CYP24A1: variants seen among roughly 807,000 people sequenced by gnomAD.
CYP24A1 encodes the protein cytochrome P450 family 24 subfamily A member 1.
CYP24A1 carries 68 observed loss-of-function variants against 62.4 expected under a neutral mutation model. That is an observed-to-expected ratio of 1.09 (90% CI 0.90 to 1.33). The LOEUF (loss-of-function observed/expected upper bound fraction) is 1.33, where lower values mean the gene tolerates loss of function less well. Ranked by LOEUF, CYP24A1 falls within the 40% of genes most tolerant of loss-of-function variation. The pLI is 0.00. For synonymous variants in CYP24A1, 267 were observed against 253.0 expected, an observed-to-expected ratio of 1.06 and a Z score of -0.52; for missense variants, 787 against 653.0, an observed-to-expected ratio of 1.21 and a Z score of -2.24.
Position 54,164,463 on chromosome 20 carries a change from A to T in CYP24A1, c.833T>A (p.Ile278Asn). ...WQDHTLAWDTIFKSVKACIDN... is the reference protein window; with the variant it reads ...WQDHTLAWDTNFKSVKACIDN... Reference sequence around the variant, plus strand: ...GGGCGGCCCTTTACCTGATTTGAAAATGGTGTCCCAGGCCAGAGTGTGGTC... The same window carrying T: ...GGGCGGCCCTTTACCTGATTTGAAATTGGTGTCCCAGGCCAGAGTGTGGTC... The change falls in exon 6 of 12, where the codon ATT becomes AAT. Residue 278 changes from isoleucine (I) to asparagine (N), a missense_variant. Transcript: ENST00000216862. The T allele has an allele frequency of 6.2e-7, 1 of 1,614,092 alleles. No homozygotes were observed. Among genetic ancestry groups the T allele is most frequent in the South Asian group, 1.1e-5 (1 of 91,062 alleles).
At chr20:54,172,011 G>A (rs34043203) in intron 2 of CYP24A1, 49,642 of 379,048 alleles carry the variant, frequency 0.13, 3,596 homozygotes, top group Middle Eastern at 0.18. Context: ...AAGGGGGCAT[G>A]TGAACACCCC....
chr20:54,158,291 C>T (rs2092637092), intron 8 of CYP24A1, 127 bp from the exon 9 acceptor site: 1 of 1,521,096 alleles, frequency 6.6e-7, no homozygotes, highest in Admixed American at 2.0e-5. Flanking sequence ...AGCATGATCA[C>T]AGATCTTCCT....
Position 54,171,474 on chromosome 20 carries a change from A to G in CYP24A1, c.543+103T>C, listed in dbSNP as rs6022999. 404,570 of 1,605,494 alleles carry G rather than the reference A, an allele frequency of 0.25. 58,397 individuals are homozygous for G. The highest frequency in any genetic ancestry group is 0.65 in the African/African-American group (48,383 of 74,598). ...AAGACCCCCACTTTGAATCACCCGA[A>G]TTGCATTCTTTTTTCCTTTGTTCTT... On this transcript the variant is annotated intron_variant, in intron 3 of 11. Transcript: ENST00000216862.
intron 4 of CYP24A1, among the ~76,000 whole-genome samples, chr20:54,167,985 C>G (rs2585430): frequency 0.24 from 36,880 of 152,110 alleles, 4,911 homozygotes; most frequent in South Asian, 0.36. Flanking sequence ...CCCGCTCATA[C>G]AGCCCTCCAT....
chr20:54,158,201 A>G, intron 8 of CYP24A1, 37 bp from the exon 9 acceptor site: 4 of 1,612,188 alleles, frequency 2.5e-6, no homozygotes, highest in East Asian at 2.2e-5. Context: ...AGGTGAGCAC[A>G]GTCTAAGTTC....
rs367731433 is a variant in CYP24A1, at chr20:54,165,707, A to G, written c.732+35T>C. The stretch of plus-strand genomic sequence containing the variant: ...GTAAAAATCGATCTGTAAAACATCA[A>G]TCAAGAAAACTGCTTTCTTAAAGAG... On this transcript the variant is annotated intron_variant, in intron 5 of 11. Coordinates refer to ENST00000216862, the MANE Select transcript of CYP24A1 (RefSeq NM_000782.5). The G allele has an allele frequency of 1.7e-4, 175 of 1,020,796 alleles. 2 individuals are homozygous for G. In the African/African-American group the frequency reaches 1.8e-3, roughly 10 times the overall value. 63.2% of individuals were successfully genotyped at this position (1,020,796 alleles called of 1,614,324 possible). A position where few individuals can be genotyped will look rare whatever the true frequency, so the allele number is the denominator to read the frequency against.
chr20:54,164,162 C>T (rs1466679910), intron 6 of CYP24A1, among the ~76,000 whole-genome samples: 1 of 152,196 alleles, frequency 6.6e-6, no homozygotes, highest in East Asian at 1.9e-4. Flanking sequence ...TCTCAAACTC[C>T]TGGCCTCAAG....
intron 7 of CYP24A1, among the ~76,000 whole-genome samples, chr20:54,160,734 C>T (rs1053761229): frequency 6.6e-6 from 1 of 152,198 alleles, no homozygotes; most frequent in Non-Finnish European, 1.5e-5. Context: ...ACAGATTTAA[C>T]CATATCAGTG....
intron 11 of CYP24A1, 59 bp downstream of exon 11, chr20:54,157,110 G>GCTCA (rs996989778): frequency 4.7e-6 from 4 of 853,988 alleles, no homozygotes; most frequent in African/African-American, 1.7e-5. Context: ...TCCCAGCATA[G>GCTCA]CTCATCCCTC....
chr20:54,165,836 G>C lies in CYP24A1; in HGVS notation c.641-3C>G. The C allele has an allele frequency of 7.7e-7, 1 of 1,297,628 alleles. No individual in the cohort carries two copies. The highest frequency in any genetic ancestry group is 1.1e-6 in the Non-Finnish European group (1 of 890,800). 80.4% of individuals were successfully genotyped at this position (1,297,628 alleles called of 1,614,324 possible). A position where few individuals can be genotyped will look rare whatever the true frequency, so the allele number is the denominator to read the frequency against. On this transcript the variant is annotated splice_region_variant and splice_polypyrimidine_tract_variant and intron_variant, in intron 4 of 11. Coordinates refer to ENST00000216862, the MANE Select transcript of CYP24A1 (RefSeq NM_000782.5). ...CTCATACAACACGAGGCAGATACCTGTCATTTAAAATAATCATCACTTTAC... is the reference window on the plus strand; with the variant it reads ...CTCATACAACACGAGGCAGATACCTCTCATTTAAAATAATCATCACTTTAC...
chr20:54,162,619 C>T (rs1015246623), intron 7 of CYP24A1, 98 bp downstream of exon 7: 3 of 628,836 alleles, frequency 4.8e-6, no homozygotes, highest in Middle Eastern at 2.6e-4. Context: ...GCTAGTGAAT[C>T]CCAGTGAAAT....
At position 54,153,758 on chromosome 20, in the gene CYP24A1, G is replaced by A. The variant is rs886056781; in HGVS notation, c.*1014C>T. On this transcript the variant is annotated 3_prime_UTR_variant, in exon 12 of 12. Coordinates refer to ENST00000216862, the MANE Select transcript of CYP24A1 (RefSeq NM_000782.5). ...ACAATTTTTAAGTCTTATAAGTATT[G>A]CATGCATTTCTGTGCATTTTACATT... 4.6e-5 allele frequency: 7 copies of A among 152,678 alleles called. No homozygotes were observed. Among genetic ancestry groups the A allele is most frequent in the Middle Eastern group, 3.4e-3 (1 of 294 alleles). The allele number at this position is 152,678 out of a possible 1,614,324, so 9.5% of individuals were successfully genotyped here.
Position 54,162,727 on chromosome 20 carries a change from G to T in CYP24A1, c.980C>A (p.Ala327Glu). 1 of 1,598,248 alleles carries T rather than the reference G, an allele frequency of 6.3e-7. No homozygotes were observed. The highest frequency in any genetic ancestry group is 8.6e-7 in the Non-Finnish European group (1 of 1,166,024). Reference protein sequence around the residue: ...YAAVTELQLAAVETTANSLMW... With the variant: ...YAAVTELQLAEVETTANSLMW... ...CCAGCCCACCCTTACCGTTTCCACC[G>T]CAGCCAGCTGGAGCTCTGTGACAGC... Residue 327 changes from alanine (A) to glutamate (E), a missense_variant, in exon 7 of 12, where the codon GCG (alanine) becomes GAG (glutamate). Transcript: ENST00000216862.
chr20:54,162,375 G>C (rs1210169300), intron 7 of CYP24A1, among the ~76,000 whole-genome samples: 1 of 151,268 alleles, frequency 6.6e-6, no homozygotes, highest in Admixed American at 6.6e-5. Context: ...TACTGCTCCT[G>C]AACTCCCGTA....
At position 54,154,266 on chromosome 20, in the gene CYP24A1, T is replaced by C. The variant is rs902241050; in HGVS notation, c.*506A>G. On this transcript the variant is annotated 3_prime_UTR_variant, in exon 12 of 12. Transcript: ENST00000216862. ...GACTTCGTTAAAGTCCTTTTAAAAA[T>C]AGAGGTGTTCTCTAGTTTCCCAATA... 6.6e-6 allele frequency: 1 copy of C among 152,248 alleles called. No homozygotes were observed. Among genetic ancestry groups the C allele is most frequent in the Non-Finnish European group, 1.5e-5 (1 of 68,034 alleles). The allele number at this position is 152,248 out of a possible 1,614,324, so 9.4% of individuals were successfully genotyped here. A position where few individuals can be genotyped will look rare whatever the true frequency, so the allele number is the denominator to read the frequency against.
At chr20:54,164,658 T>C in intron 5 of CYP24A1, 95 bp from the exon 6 acceptor site, 1 of 1,603,872 alleles carries the variant, frequency 6.2e-7, no homozygotes. Flanking sequence ...CGCAGCACCC[T>C]GCACTTTTTA....
In CYP24A1 at chr20:54,158,922, A is replaced by G. The variant is rs1308209913; in HGVS notation, c.1157+35T>C. ...TTTGTGTTTACGAGAACAGTGTTCTAACACATTTATATTGGCTCAGAGATA... is the reference window on the plus strand; with the variant it reads ...TTTGTGTTTACGAGAACAGTGTTCTGACACATTTATATTGGCTCAGAGATA... On this transcript the variant is annotated intron_variant, in intron 8 of 11. Coordinates refer to ENST00000216862, the MANE Select transcript of CYP24A1 (RefSeq NM_000782.5). The G allele has an allele frequency of 2.5e-6, 4 of 1,614,064 alleles. No individual in the cohort carries two copies. The South Asian group carries it at 3.3e-5, about 13-fold the overall frequency.
At chr20:54,160,257 T>C (rs2092645421) in intron 7 of CYP24A1, among the ~76,000 whole-genome samples, 2 of 152,266 alleles carry the variant, frequency 1.3e-5, no homozygotes. Flanking sequence ...GTGGCATCTT[T>C]TATTTCCTCT....
chr20:54,144,744 T>C, the CYP24A1 span, among the ~76,000 whole-genome samples: 1 of 151,192 alleles, frequency 6.6e-6, no homozygotes, highest in Admixed American at 6.6e-5. Flanking sequence ...CTGCAAATTA[T>C]GTAGCCAGAC....
Sources: gnomAD v4.1 joint callset for allele counts (sites outside exome capture counted in the v4.1 genomes callset) on GRCh38, gnomAD v4.1.1 for gene constraint, MANE v1.5 for transcripts, NCBI Gene and HGNC (gene_info 2026-07-23, HGNC 2026-07-21) for gene names.